Variants in GRIN1 observed in about 807,000 individuals in gnomAD.
GRIN1 encodes the protein glutamate receptor ionotropic, NMDA 1.
In GRIN1, 38 loss-of-function variants were observed where a neutral mutation model predicts 103.0. The ratio of observed to expected loss-of-function variants is 0.37; its 90% CI spans 0.28 to 0.48. The LOEUF is 0.48. Ranked by LOEUF, GRIN1 falls within the 20% of genes least tolerant of loss-of-function variation. The pLI, the probability that GRIN1 is intolerant of heterozygous loss-of-function variation, is 0.98. For synonymous variants in GRIN1, 544 were observed against 532.7 expected (o/e 1.02, Z -0.29); for missense variants, 577 against 1,288.9 (o/e 0.45, Z 8.46).
At chr9:137,141,137 C>A (rs1463200923) in intron 1 of GRIN1, among the ~76,000 whole-genome samples, 1 of 152,220 alleles carries the variant, frequency 6.6e-6, no homozygotes, top group South Asian at 2.1e-4. Flanking sequence ...CTGCAGCTAC[C>A]ACTCACGGAA....
At chr9:137,141,186 A>T (rs1019371164) in intron 1 of GRIN1, among the ~76,000 whole-genome samples, 1 of 152,208 alleles carries the variant, frequency 6.6e-6, no homozygotes, top group Non-Finnish European at 1.5e-5. Flanking sequence ...ACGTGGGGCC[A>T]TGCAGTGCAC....
chr9:137,158,096 C>T (rs980387021), intron 6 of GRIN1, among the ~76,000 whole-genome samples: 5 of 152,250 alleles, frequency 3.3e-5, no homozygotes, highest in Non-Finnish European at 7.3e-5. Flanking sequence ...AACGTCCTAA[C>T]CCACAGAAAG....
intron 3 of GRIN1, among the ~76,000 whole-genome samples, chr9:137,147,774 C>T (rs868019580): frequency 2.0e-4 from 30 of 152,272 alleles, no homozygotes; most frequent in African/African-American, 6.8e-4. Context: ...GGCTGCTCAC[C>T]TCCCACTCAG....
intron 8 of GRIN1, 63 bp from the exon 9 acceptor site, chr9:137,160,993 G>A: frequency 6.2e-7 from 1 of 1,608,574 alleles, no homozygotes; most frequent in Non-Finnish European, 8.5e-7. Context: ...GAGCTGAGAA[G>A]AGACTGCCGC....
intron 4 of GRIN1, among the ~76,000 whole-genome samples, chr9:137,155,638 C>G (rs1371664417): frequency 1.3e-5 from 2 of 152,218 alleles, no homozygotes; most frequent in Non-Finnish European, 2.9e-5. Flanking sequence ...GGAGACAGGT[C>G]AGGCCCTGCA....
In GRIN1 at chr9:137,163,296, C is replaced by T. The variant is rs1833662166; in HGVS notation, c.2299C>T (p.Pro767Ser). Residue 767 changes from proline to serine, a missense_variant, in exon 16 of 20, where the codon CCC becomes TCC. By Grantham distance (74) the Pro-to-Ser change is moderately conservative (BLOSUM62 -1). Coordinates refer to ENST00000371561, the MANE Select transcript of GRIN1 (RefSeq NM_007327.4). ...CGGCATAGGCATGCGCAAAGACAGC[C>T]CCTGGAAGCAGAACGTCTCCCTGTC... is the stretch of plus-strand genomic sequence containing the variant. ...GFGIGMRKDS[P>S]WKQNVSLSIL... 2 of 1,613,622 alleles carry T rather than the reference C, an allele frequency of 1.2e-6. No individual in the cohort carries two copies. The highest frequency in any genetic ancestry group is 2.2e-5 in the South Asian group (2 of 91,088).
chr9:137,148,800 G>A (rs748159477), intron 3 of GRIN1, among the ~76,000 whole-genome samples: 6 of 152,224 alleles, frequency 3.9e-5, no homozygotes, highest in Non-Finnish European at 7.3e-5. Context: ...AGGTGAGCGC[G>A]CAGGCTGAAG....
intron 2 of GRIN1, among the ~76,000 whole-genome samples, chr9:137,144,052 A>G (rs1041012795): frequency 6.6e-6 from 1 of 152,140 alleles, no homozygotes; most frequent in Non-Finnish European, 1.5e-5. Context: ...AGTTGTTTAA[A>G]TTTGGGAGGA....
At chr9:137,165,837 A>G (rs1833848720) in intron 19 of GRIN1, among the ~76,000 whole-genome samples, 1 of 151,740 alleles carries the variant, frequency 6.6e-6, no homozygotes, top group African/African-American at 2.4e-5. Flanking sequence ...CACCTGTCTC[A>G]CCTGTCTCAC....
chr9:137,161,290 C>A lies in GRIN1; in HGVS notation c.1341C>A (p.Pro447=), dbSNP rs1414364431. ...CAGTTACCGCCCGCACCTACCCAGC[C>A]CGCCACACGGTGCCTCAGTGTTGCT... The part of the protein sequence containing the change: ...TGPNDTSPGS[P]RHTVPQCCYG... Residue 447 remains proline, a splice_region_variant and synonymous_variant, in exon 10 of 20, where the codon CCC becomes CCA. Coordinates refer to ENST00000371561, the MANE Select transcript of GRIN1 (RefSeq NM_007327.4). The A allele has an allele frequency of 6.2e-7, 1 of 1,612,378 alleles. No individual in the cohort carries two copies. The highest frequency in any genetic ancestry group is 1.7e-5 in the Admixed American group (1 of 60,008).
chr9:137,156,520 C>T (rs980580097), intron 4 of GRIN1, 149 bp from the exon 5 acceptor site: 2 of 1,144,208 alleles, frequency 1.7e-6, no homozygotes, highest in Non-Finnish European at 2.5e-6. Flanking sequence ...GGTTCTGGGC[C>T]GCAGCGCCTC....
At position 137,168,084 on chromosome 9, in the gene GRIN1, A is replaced by T. The variant is rs1265318250; in HGVS notation, c.*557A>T. On this transcript the variant is annotated 3_prime_UTR_variant, in exon 20 of 20. Coordinates refer to ENST00000371561, the MANE Select transcript of GRIN1 (RefSeq NM_007327.4). ...GGGCAGGGCCGCAGGGCGCTCCGGC[A>T]GAGGCAGGGCCCTGGGGTCTCTGAG... 5.1e-6 allele frequency: 3 copies of T among 589,996 alleles called. No individual in the cohort carries two copies. The African/African-American group carries it at 5.7e-5, about 11-fold the overall frequency. The allele number at this position is 589,996 out of a possible 1,614,324, so 36.5% of individuals were successfully genotyped here. A position where few individuals can be genotyped will look rare whatever the true frequency, so the allele number is the denominator to read the frequency against.
At position 137,163,904 on chromosome 9, in the gene GRIN1, G is replaced by A; in HGVS notation, c.2589G>A (p.Gln863=). The A allele has an allele frequency of 6.2e-7, 1 of 1,612,528 alleles. No individual in the cohort carries two copies. The highest frequency in any genetic ancestry group is 8.5e-7 in the Non-Finnish European group (1 of 1,179,802). The part of the protein sequence containing the change: ...AAVNVWRKNL[Q]DRKSGRAEPD... ...TTAACGTGTGGCGGAAGAACCTGCA[G>A]GTAGGGCAGGCCACCCTCCGAGGCC... Residue 863 remains glutamine, a splice_region_variant and synonymous_variant, in exon 18 of 20, where the codon CAG becomes CAA. Coordinates refer to ENST00000371561, the MANE Select transcript of GRIN1 (RefSeq NM_007327.4).
At chr9:137,142,509 C>A (rs1486985693) in intron 2 of GRIN1, among the ~76,000 whole-genome samples, 1 of 152,158 alleles carries the variant, frequency 6.6e-6, no homozygotes, top group Non-Finnish European at 1.5e-5. Context: ...AGCACCCACA[C>A]GCTACACTGC....
At chr9:137,141,924 T>C (rs1832192659) in intron 1 of GRIN1, 89 bp from the exon 2 acceptor site, 2 of 1,417,374 alleles carry the variant, frequency 1.4e-6, no homozygotes, top group Non-Finnish European at 2.0e-6. Flanking sequence ...GCCTGCTGGG[T>C]TCAGCCCCTG....
chr9:137,158,700 T>C lies in GRIN1; in HGVS notation c.1193T>C (p.Leu398Pro). Reference protein sequence around the residue: ...KPRGYQMSTRLKIVTIHQEPF... With the variant: ...KPRGYQMSTRPKIVTIHQEPF... The stretch of plus-strand genomic sequence containing the variant: ...CGAGGGTACCAGATGTCCACCAGAC[T>C]GAAGGTGGGGGCCCCACAGACCTCC... The change falls in exon 8 of 20, where the codon CTG (leucine) becomes CCG (proline). Residue 398 changes from leucine to proline, a missense_variant. Around this residue, in one of 9 missense-constraint regions of GRIN1, gnomAD observed 1 missense variants for 22.1 expected, o/e 0.05. Coordinates refer to ENST00000371561, the MANE Select transcript of GRIN1 (RefSeq NM_007327.4). 1.9e-6 allele frequency: 3 copies of C among 1,611,372 alleles called. No homozygotes were observed. The highest frequency in any genetic ancestry group is 2.5e-6 in the Non-Finnish European group (3 of 1,178,626).
rs781512304 is a variant in GRIN1 at position 137,156,939 on chromosome 9, G to T, written c.870G>T (p.Gln290His). 1 of 1,612,180 alleles carries T rather than the reference G, an allele frequency of 6.2e-7. No homozygotes were observed. The highest frequency in any genetic ancestry group is 1.7e-5 in the Admixed American group (1 of 60,000). Residue 290 changes from glutamine to histidine, a missense_variant, in exon 6 of 20, where the codon CAG becomes CAT. Around this residue, in one of 9 missense-constraint regions of GRIN1, gnomAD observed 308 missense variants for 553.6 expected, o/e 0.56. Transcript: ENST00000371561. Reference sequence around the variant, plus strand: ...GCGACGCCGTGGGCGTGGTGGCCCAGGCCGTGCACGAGCTCCTCGAGAAGG... The same window carrying T: ...GCGACGCCGTGGGCGTGGTGGCCCATGCCGTGCACGAGCTCCTCGAGAAGG... ...HISDAVGVVA[Q>H]AVHELLEKEN...
Position 137,161,972 on chromosome 9 carries a change from C to T in GRIN1, c.1516C>T (p.Leu506Phe), listed in dbSNP as rs778079350. 9 of 1,565,344 alleles carry T rather than the reference C, an allele frequency of 5.7e-6. No individual in the cohort carries two copies. Among genetic ancestry groups the T allele is most frequent in the African/African-American group, 1.4e-5 (1 of 73,672 alleles). The stretch of plus-strand genomic sequence containing the variant: ...GTGGAATGGGATGATGGGCGAGCTG[C>T]TCAGCGGGCAGGCAGACATGATCGT... ...KEWNGMMGEL[L>F]SGQADMIVAP... Residue 506 changes from leucine to phenylalanine, a missense_variant, in exon 11 of 20, where the codon CTC becomes TTC. Around this residue, in one of 9 missense-constraint regions of GRIN1, gnomAD observed 96 missense variants for 145.0 expected, o/e 0.66. Transcript: ENST00000371561.
In GRIN1 at chr9:137,157,050, T is replaced by C; in HGVS notation, c.968+13T>C. 8.9e-7 allele frequency: 1 copy of C among 1,122,270 alleles called. No individual in the cohort carries two copies. The highest frequency in any genetic ancestry group is 1.1e-6 in the Non-Finnish European group (1 of 876,868). 69.5% of individuals were successfully genotyped at this position (1,122,270 alleles called of 1,614,324 possible). A position where few individuals can be genotyped will look rare whatever the true frequency, so the allele number is the denominator to read the frequency against. ...CGCTCTTCAAGAGGTGGGCGGGGCC[T>C]CCCCGGAGCTGGGCGGGGCTGCTCT... On this transcript the variant is annotated intron_variant, in intron 6 of 19. Coordinates refer to ENST00000371561, the MANE Select transcript of GRIN1 (RefSeq NM_007327.4).
Sources: allele counts gnomAD v4.1 joint callset (sites outside exome capture counted in the v4.1 genomes callset), GRCh38; gene constraint gnomAD v4.1.1; regional missense constraint gnomAD v4.1.1; transcripts MANE v1.5; gene names NCBI Gene and HGNC (gene_info 2026-07-23, HGNC 2026-07-21).